MYO16: variants seen among roughly 807,000 people sequenced by gnomAD.
MYO16 encodes myosin XVI, also known as unconventional myosin-XVI.
MYO16 carries 94 observed loss-of-function variants against 205.3 expected under a neutral mutation model. That is an observed-to-expected ratio of 0.46 (90% CI 0.39 to 0.54). The LOEUF (loss-of-function observed/expected upper bound fraction) is 0.54, where lower values mean the gene tolerates loss of function less well. MYO16 is among the 20% of genes least tolerant of loss of function. The pLI is 0.00. For synonymous variants in MYO16, 988 were observed against 954.0 expected (o/e 1.04, Z -0.66); for missense variants, 2,315 against 2,387.5 (o/e 0.97, Z 0.63).
At position 109,134,897 on chromosome 13, in the gene MYO16, C is replaced by A. The variant is rs1202653588; in HGVS notation, c.4052-5367C>A. Among the ~76,000 whole-genome samples the A allele has an allele frequency of 5.9e-5, 9 of 152,268 alleles. No individual in the cohort carries two copies. The East Asian group carries it at 1.7e-3, about 29-fold the overall frequency. On this transcript the variant is annotated intron_variant, in intron 31 of 34. Transcript: ENST00000457511. ...CATCTGTATCAGTCCACCCTCTGGA[C>A]AAAACAATTTGTATCCCTCTGTCAT...
chr13:108,568,724 T>TTATTATTA, the MYO16 span, among the ~76,000 whole-genome samples: 7 of 151,212 alleles, frequency 4.6e-5, no homozygotes, highest in Non-Finnish European at 8.9e-5. Flanking sequence ...TATTATTATT[T>TTATTATTA]TTTGCTACTT....
At chr13:108,714,399 G>A (rs527829124) in intron 3 of MYO16, among the ~76,000 whole-genome samples, 2 of 152,236 alleles carry the variant, frequency 1.3e-5, no homozygotes, top group African/African-American at 2.4e-5. Context: ...ATGTTTGCAC[G>A]TCCCAGTAGA....
chr13:109,110,942 T>C (rs149576916), intron 28 of MYO16, among the ~76,000 whole-genome samples: 1 of 152,238 alleles, frequency 6.6e-6, no homozygotes, highest in African/African-American at 2.4e-5. Flanking sequence ...TTGGCAAACA[T>C]TTGATTTACG....
intron 32 of MYO16, among the ~76,000 whole-genome samples, chr13:109,161,718 T>C (rs1392326329): frequency 6.6e-6 from 1 of 152,194 alleles, no homozygotes; most frequent in African/African-American, 2.4e-5. Flanking sequence ...AAAATTAAAA[T>C]TTAATTATAA....
chr13:109,068,077 A>G (rs993759192), intron 27 of MYO16, among the ~76,000 whole-genome samples: 2 of 152,178 alleles, frequency 1.3e-5, no homozygotes, highest in African/African-American at 4.8e-5. Flanking sequence ...AGGAAAATAA[A>G]CAGAGATCTA....
intron 1 of MYO16, among the ~76,000 whole-genome samples, chr13:108,637,783 G>A (rs1880325159): frequency 1.3e-5 from 2 of 152,120 alleles, no homozygotes; most frequent in Admixed American, 1.3e-4. Context: ...GCTGAGGCAG[G>A]AGAATCGCTT....
chr13:108,884,751 AC>A (rs1218153487), intron 13 of MYO16, among the ~76,000 whole-genome samples: 4 of 147,094 alleles, frequency 2.7e-5, no homozygotes, highest in South Asian at 2.2e-4. Context: ...CATTCTAGAC[AC>A]AAGGATGAGA....
chr13:108,688,502 G>A (rs968112978), intron 2 of MYO16, among the ~76,000 whole-genome samples: 10 of 152,054 alleles, frequency 6.6e-5, no homozygotes, highest in Non-Finnish European at 1.2e-4. Flanking sequence ...CTATTCTCCA[G>A]GTTCTTTATA....
Position 109,106,849 on chromosome 13 carries a change from G to A in MYO16, c.3438+5962G>A, listed in dbSNP as rs147491809. On this transcript the variant is annotated intron_variant, in intron 28 of 34. Transcript: ENST00000457511. ...AACTTCGGGGTGAAAGAAGTTTTGT[G>A]GGTAGGCAAAGAAGAGTGGCCTGTG... 1.5e-4 allele frequency among the ~76,000 whole-genome samples: 23 copies of A among 152,270 alleles called. No homozygotes were observed. In the East Asian group the frequency reaches 4.1e-3, roughly 27 times the overall value.
intron 22 of MYO16, among the ~76,000 whole-genome samples, chr13:109,019,014 G>C (rs1387111136): frequency 6.6e-6 from 1 of 151,250 alleles, no homozygotes; most frequent in Non-Finnish European, 1.5e-5. Context: ...TGTTGTCCAG[G>C]ATGGAGTGCA....
At chr13:108,651,676 T>C (rs778914930) in intron 1 of MYO16, among the ~76,000 whole-genome samples, 1 of 152,212 alleles carries the variant, frequency 6.6e-6, no homozygotes, top group East Asian at 1.9e-4. Flanking sequence ...AATTAAGAGA[T>C]AGCTGTAAAC....
At chr13:108,848,799 A>G (rs1341828387) in intron 10 of MYO16, among the ~76,000 whole-genome samples, 1 of 152,200 alleles carries the variant, frequency 6.6e-6, no homozygotes, top group African/African-American at 2.4e-5. Flanking sequence ...TGTACTATAA[A>G]GTGCGAGCCT....
chr13:108,545,435 T>G, the MYO16 span, among the ~76,000 whole-genome samples: 1 of 152,318 alleles, frequency 6.6e-6, no homozygotes, highest in East Asian at 1.9e-4. Flanking sequence ...TCCATGTCTT[T>G]GCTATTGTGA....
intron 3 of MYO16, among the ~76,000 whole-genome samples, chr13:108,720,634 C>T (rs1056291976): frequency 7.9e-5 from 12 of 152,090 alleles, no homozygotes; most frequent in African/African-American, 2.7e-4. Context: ...ATGACATTCA[C>T]GAAGACAACC....
At chr13:108,599,841 C>T (rs537062053) in intron 1 of MYO16, among the ~76,000 whole-genome samples, 3 of 152,252 alleles carry the variant, frequency 2.0e-5, no homozygotes, top group African/African-American at 7.2e-5. Flanking sequence ...GAAATGAGGT[C>T]CTTTCTTTGT....
intron 1 of MYO16, among the ~76,000 whole-genome samples, chr13:108,651,828 A>G (rs1419953220): frequency 6.6e-6 from 1 of 152,200 alleles, no homozygotes; most frequent in Non-Finnish European, 1.5e-5. Context: ...TAGCGTCTAT[A>G]TGTTGCACAC....
At chr13:108,701,859 G>T (rs1039712002) in intron 2 of MYO16, among the ~76,000 whole-genome samples, 5 of 151,962 alleles carry the variant, frequency 3.3e-5, no homozygotes, top group African/African-American at 1.2e-4. Flanking sequence ...ACATAGAGAA[G>T]AACAATTATA....
intron 4 of MYO16, among the ~76,000 whole-genome samples, chr13:108,733,301 G>A (rs1566577147): frequency 6.6e-6 from 1 of 152,168 alleles, no homozygotes; most frequent in African/African-American, 2.4e-5. Context: ...CTATGCAGCA[G>A]GCATTTTTCA....
chr13:108,798,687 T>C (rs941882114), intron 6 of MYO16, among the ~76,000 whole-genome samples: 9 of 107,436 alleles, frequency 8.4e-5, no homozygotes, highest in Admixed American at 2.4e-4. Context: ...CCCCGAGGCT[T>C]ATTTTTTTTT....
Sources: allele counts gnomAD v4.1 joint callset (sites outside exome capture counted in the v4.1 genomes callset), GRCh38; gene constraint gnomAD v4.1.1; transcripts MANE v1.5; gene names NCBI Gene and HGNC (gene_info 2026-07-23, HGNC 2026-07-21).